Variants in PDE11A observed in about 807,000 individuals in gnomAD.
PDE11A encodes phosphodiesterase 11A, also known as dual 3',5'-cyclic-AMP and -GMP phosphodiesterase 11A.
A neutral mutation model predicts 100.5 loss-of-function variants in PDE11A; 100 were observed. The ratio of observed to expected loss-of-function variants is 1.00; its 90% CI spans 0.85 to 1.18. The LOEUF (loss-of-function observed/expected upper bound fraction) is 1.18. Ranked by LOEUF, PDE11A falls within the 50% of genes most tolerant of loss-of-function variation. The pLI is 0.00. For missense variants in PDE11A, 1,141 were observed against 1,152.6 expected (o/e 0.99, Z 0.15); for synonymous variants, 381 against 420.8 (o/e 0.91, Z 1.16).
chr2:178,047,639 C>G (rs538520067), intron 1 of PDE11A, among the ~76,000 whole-genome samples: 1 of 152,254 alleles, frequency 6.6e-6, no homozygotes, highest in South Asian at 2.1e-4. Context: ...GATAGAGCAG[C>G]CACGAGTCAC....
At chr2:177,665,493 T>TA (rs150045698) in intron 18 of PDE11A, among the ~76,000 whole-genome samples, 114,000 of 141,928 alleles carry the variant, frequency 0.8, 46,522 homozygotes, top group East Asian at 0.97. Context: ...AAAAAAATAA[T>TA]AATAATAAAT....
chr2:177,793,387 A>C (rs1341377725), intron 9 of PDE11A, among the ~76,000 whole-genome samples: 1 of 151,992 alleles, frequency 6.6e-6, no homozygotes, highest in Non-Finnish European at 1.5e-5. Context: ...AACTTACATA[A>C]ATGGATTCAT....
chr2:177,859,640 G>T (rs1045836285), intron 5 of PDE11A, among the ~76,000 whole-genome samples: 1 of 151,656 alleles, frequency 6.6e-6, no homozygotes, highest in African/African-American at 2.4e-5. Context: ...CATCTATAGA[G>T]CACTCCACCT....
intron 15 of PDE11A, among the ~76,000 whole-genome samples, chr2:177,695,572 G>A (rs1415364029): frequency 6.6e-5 from 10 of 152,152 alleles, no homozygotes; most frequent in Admixed American, 5.9e-4. Context: ...TTTCAATCCA[G>A]AGACTGGTTC....
At position 177,625,441 on chromosome 2, in the gene PDE11A, G is replaced by A. The variant is rs1226821830; in HGVS notation, c.*3966C>T. 6.6e-6 allele frequency: 1 copy of A among 152,552 alleles called. No homozygotes were observed. Among genetic ancestry groups the A allele is most frequent in the Admixed American group, 6.5e-5 (1 of 15,278 alleles). 9.4% of individuals were successfully genotyped at this position (152,552 alleles called of 1,614,324 possible). A position where few individuals can be genotyped will look rare whatever the true frequency, so the allele number is the denominator to read the frequency against. On this transcript the variant is annotated 3_prime_UTR_variant, in exon 20 of 20. Transcript: ENST00000286063. ...AGTTCCAGTCTGCTATGCACTGAAT[G>A]GCACCCTTTGCAGTATGTGAAGCTG...
At chr2:177,981,347 T>C (rs554459604) in intron 2 of PDE11A, among the ~76,000 whole-genome samples, 1 of 150,710 alleles carries the variant, frequency 6.6e-6, no homozygotes, top group East Asian at 1.9e-4. Flanking sequence ...GCTAGAAGTC[T>C]AAAATCAAGG....
At chr2:177,707,575 T>C (rs185265769) in intron 13 of PDE11A, among the ~76,000 whole-genome samples, 25 of 152,336 alleles carry the variant, frequency 1.6e-4, no homozygotes, top group Admixed American at 1.6e-3. Context: ...CTGGTTTTCT[T>C]GTTTTTTTCA....
intron 4 of PDE11A, among the ~76,000 whole-genome samples, chr2:177,883,564 A>C (rs1574249571): frequency 6.6e-6 from 1 of 152,152 alleles, no homozygotes; most frequent in African/African-American, 2.4e-5. Flanking sequence ...GGAAGTCTTC[A>C]TGTGAACTGT....
intron 19 of PDE11A, among the ~76,000 whole-genome samples, chr2:177,631,537 ATATATATATACACATG>A (rs1353974569): frequency 1.5e-3 from 41 of 27,658 alleles, no homozygotes; most frequent in African/African-American, 4.0e-3. Context: ...ATATATATAT[ATATATATATACACATG>A]TATATATATA....
chr2:177,760,134 T>C (rs2082148930), intron 10 of PDE11A, among the ~76,000 whole-genome samples: 1 of 152,180 alleles, frequency 6.6e-6, no homozygotes, highest in African/African-American at 2.4e-5. Context: ...TTCTTGCTGG[T>C]TCTTTGATCC....
At chr2:177,669,719 G>T in intron 17 of PDE11A, 152 bp from the exon 18 acceptor site, 1 of 630,380 alleles carries the variant, frequency 1.6e-6, no homozygotes, top group South Asian at 1.8e-5. Context: ...CATGTTTGAA[G>T]GTGTTATAGA....
chr2:177,928,700 A>T (rs1344589262), intron 2 of PDE11A, among the ~76,000 whole-genome samples: 1 of 152,264 alleles, frequency 6.6e-6, no homozygotes, highest in East Asian at 1.9e-4. Flanking sequence ...TGCTTAAAAA[A>T]ATTCTTTTTT....
At chr2:177,900,609 T>A (rs945636426) in intron 3 of PDE11A, among the ~76,000 whole-genome samples, 1 of 151,926 alleles carries the variant, frequency 6.6e-6, no homozygotes. Context: ...TACAAAAAAA[T>A]TAGCCAGGTG....
At chr2:178,005,670 A>G (rs1349496241) in intron 2 of PDE11A, among the ~76,000 whole-genome samples, 1 of 152,252 alleles carries the variant, frequency 6.6e-6, no homozygotes, top group East Asian at 1.9e-4. Context: ...TACTAAGTAG[A>G]AACGCAATAA....
intron 19 of PDE11A, among the ~76,000 whole-genome samples, chr2:177,640,713 T>C (rs150122451): frequency 3.5e-4 from 53 of 152,368 alleles, no homozygotes; most frequent in African/African-American, 1.3e-3. Flanking sequence ...ACTTTGGCTT[T>C]CCAGCCTTCT....
At chr2:177,861,641 A>G (rs2083947244) in intron 5 of PDE11A, among the ~76,000 whole-genome samples, 1 of 151,934 alleles carries the variant, frequency 6.6e-6, no homozygotes, top group Non-Finnish European at 1.5e-5. Flanking sequence ...AAAAACAAAA[A>G]GTCAAAGGAC....
In PDE11A at chr2:177,658,361, A is replaced by G. The variant is rs149344872; in HGVS notation, c.2646+5505T>C. ...CCACCCTACTCCCCATCACCAGGAAAAAGTGGAGCCAGATAGATCAGTTAT... is the reference window on the plus strand; with the variant it reads ...CCACCCTACTCCCCATCACCAGGAAGAAGTGGAGCCAGATAGATCAGTTAT... On this transcript the variant is annotated intron_variant, in intron 19 of 19. Transcript: ENST00000286063. Among the ~76,000 whole-genome samples the G allele has an allele frequency of 9.5e-3, 1,447 of 152,266 alleles. 18 individuals are homozygous for G. Among genetic ancestry groups the G allele is most frequent in the Middle Eastern group, 0.041 (12 of 294 alleles).
rs748450894 is a variant in PDE11A, at chr2:178,072,430, G to A, written c.8C>T (p.Ala3Val). ...CACCTCCCCAAAGTCCAGGCGGGAGGCTGCCATGGTCCCAGACAGCTTTCC... is the reference window on the plus strand; with the variant it reads ...CACCTCCCCAAAGTCCAGGCGGGAGACTGCCATGGTCCCAGACAGCTTTCC... MAASRLDFGEVET... is the reference protein window; with the variant it reads MAVSRLDFGEVET... The change falls in exon 1 of 20, where the codon GCC becomes GTC. Residue 3 changes from alanine (A) to valine (V), a missense_variant. Transcript: ENST00000286063. The A allele has an allele frequency of 3.7e-6, 6 of 1,613,154 alleles. No individual in the cohort carries two copies. Among genetic ancestry groups the A allele is most frequent in the Non-Finnish European group, 5.1e-6 (6 of 1,180,044 alleles).
At chr2:177,961,848 G>A (rs1356230382) in intron 2 of PDE11A, among the ~76,000 whole-genome samples, 1 of 151,954 alleles carries the variant, frequency 6.6e-6, no homozygotes, top group Non-Finnish European at 1.5e-5. Context: ...GGAGGCCGAG[G>A]TTAGAAGTTC....
Sources: gnomAD v4.1 joint callset for allele counts (sites outside exome capture counted in the v4.1 genomes callset) on GRCh38, gnomAD v4.1.1 for gene constraint, MANE v1.5 for transcripts, NCBI Gene and HGNC (gene_info 2026-07-23, HGNC 2026-07-21) for gene names.